Variants in UST observed in about 807,000 individuals in gnomAD.
UST encodes the protein chondroitin sulfate 2-O-sulfotransferase.
In UST, 21 loss-of-function variants were observed where a neutral mutation model predicts 45.6. That is an observed-to-expected ratio of 0.46 (90% confidence interval 0.33 to 0.66). UST has a LOEUF of 0.66. UST is among the 30% of genes least tolerant of loss of function. UST has a pLI of 0.02. For missense variants in UST, 463 were observed against 512.4 expected (o/e 0.90, Z 0.93); for synonymous variants, 215 against 200.6 (o/e 1.07, Z -0.61).
intron 7 of UST, among the ~76,000 whole-genome samples, chr6:149,028,146 G>A (rs1776077917): frequency 6.6e-6 from 1 of 152,074 alleles, no homozygotes; most frequent in South Asian, 2.1e-4. Flanking sequence ...GCCCGGCCTA[G>A]TATGTCATAA....
At chr6:148,930,760 C>T (rs532779867) in intron 2 of UST, among the ~76,000 whole-genome samples, 70 of 152,220 alleles carry the variant, frequency 4.6e-4, no homozygotes, top group Middle Eastern at 3.4e-3. Context: ...TGGTCAGGGG[C>T]CATTATCGTA....
At chr6:149,071,082 A>C (rs560994895) in intron 7 of UST, among the ~76,000 whole-genome samples, 1 of 152,224 alleles carries the variant, frequency 6.6e-6, no homozygotes, top group East Asian at 1.9e-4. Flanking sequence ...GTTATTTTTA[A>C]ATGTACAATT....
At chr6:148,799,472 G>A (rs1176086938) in intron 1 of UST, among the ~76,000 whole-genome samples, 1 of 152,158 alleles carries the variant, frequency 6.6e-6, no homozygotes, top group Non-Finnish European at 1.5e-5. Context: ...TAAGGTGGGC[G>A]AAGTTGGTGG....
chr6:148,830,598 G>A (rs1582838688), intron 1 of UST, among the ~76,000 whole-genome samples: 1 of 152,192 alleles, frequency 6.6e-6, no homozygotes, highest in African/African-American at 2.4e-5. Flanking sequence ...TAGTCCAGTG[G>A]TTTTTTGGAT....
chr6:148,890,403 C>T (rs971432256), intron 2 of UST, among the ~76,000 whole-genome samples: 1 of 152,122 alleles, frequency 6.6e-6, no homozygotes, highest in South Asian at 2.1e-4. Context: ...CTGGAATGAA[C>T]CCTTACCCTG....
chr6:148,847,687 A>T (rs540253172), intron 1 of UST, among the ~76,000 whole-genome samples: 2 of 152,324 alleles, frequency 1.3e-5, no homozygotes, highest in East Asian at 3.9e-4. Context: ...AGTAATACAG[A>T]TACTGTGAGG....
intron 1 of UST, among the ~76,000 whole-genome samples, chr6:148,838,340 C>T (rs758824798): frequency 3.3e-5 from 5 of 152,128 alleles, no homozygotes; most frequent in Admixed American, 6.5e-5. Flanking sequence ...TGCCAGGACA[C>T]GAGGTCAGAG....
At chr6:148,909,962 A>C (rs947746018) in intron 2 of UST, among the ~76,000 whole-genome samples, 6 of 152,110 alleles carry the variant, frequency 3.9e-5, no homozygotes, top group African/African-American at 1.4e-4. Context: ...ACTGGGGAAA[A>C]GCAATAGGAA....
intron 2 of UST, among the ~76,000 whole-genome samples, chr6:148,917,483 G>A (rs79603465): frequency 0.014 from 2,098 of 152,284 alleles, 53 homozygotes; most frequent in African/African-American, 0.048. Context: ...TGGACCATTC[G>A]TCAATGGAAG....
At chr6:148,964,264 C>T (rs1048371044) in intron 4 of UST, 146 bp from the exon 5 acceptor site, 2 of 911,310 alleles carry the variant, frequency 2.2e-6, no homozygotes, top group Non-Finnish European at 3.3e-6. Context: ...CAGGAAACAC[C>T]GTTTGCTTAT....
chr6:148,825,904 T>A (rs1777559602), intron 1 of UST, among the ~76,000 whole-genome samples: 1 of 152,076 alleles, frequency 6.6e-6, no homozygotes, highest in Non-Finnish European at 1.5e-5. Flanking sequence ...CTCATTTGAA[T>A]TATGAGAAGC....
At chr6:149,006,899 C>T (rs1263160331) in intron 5 of UST, among the ~76,000 whole-genome samples, 1 of 152,136 alleles carries the variant, frequency 6.6e-6, no homozygotes, top group African/African-American at 2.4e-5. Flanking sequence ...GAGTCAACAT[C>T]GTCTCTGTCT....
intron 7 of UST, among the ~76,000 whole-genome samples, chr6:149,033,863 G>A (rs184530046): frequency 4.5e-4 from 69 of 152,298 alleles, no homozygotes; most frequent in African/African-American, 1.6e-3. Flanking sequence ...CCTATAAGAT[G>A]TATAATGAAA....
At chr6:148,987,022 A>T (rs1485323296) in intron 5 of UST, among the ~76,000 whole-genome samples, 1 of 152,236 alleles carries the variant, frequency 6.6e-6, no homozygotes, top group East Asian at 1.9e-4. Flanking sequence ...CTTCATACAG[A>T]TGTATCTTTC....
chr6:148,796,794 A>ATT (rs1776957925), intron 1 of UST, among the ~76,000 whole-genome samples: 1 of 121,850 alleles, frequency 8.2e-6, no homozygotes, highest in African/African-American at 3.0e-5. Context: ...TTCTCTGATA[A>ATT]TTCTTTTTTT....
At chr6:148,852,825 A>G (rs1396040128) in intron 1 of UST, among the ~76,000 whole-genome samples, 2 of 152,070 alleles carry the variant, frequency 1.3e-5, no homozygotes, top group East Asian at 3.9e-4. Context: ...CCTATCTCCA[A>G]ACCTCCCCAG....
intron 1 of UST, among the ~76,000 whole-genome samples, chr6:148,858,346 C>T (rs958667577): frequency 6.6e-6 from 1 of 152,054 alleles, no homozygotes; most frequent in East Asian, 1.9e-4. Context: ...GTCTGATGTT[C>T]GAGGGCAGGA....
chr6:148,899,063 C>T (rs1378568567), intron 2 of UST, among the ~76,000 whole-genome samples: 1 of 149,706 alleles, frequency 6.7e-6, no homozygotes, highest in African/African-American at 2.5e-5. Context: ...ATCTTAGCAG[C>T]TCCCAATATA....
At chr6:148,866,363 C>G (rs17079169) in intron 1 of UST, among the ~76,000 whole-genome samples, 1 of 151,444 alleles carries the variant, frequency 6.6e-6, no homozygotes, top group African/African-American at 2.4e-5. Context: ...AAAATAAGGA[C>G]GTCAACTATG....
Sources: allele counts gnomAD v4.1 joint callset (sites outside exome capture counted in the v4.1 genomes callset), GRCh38; gene constraint gnomAD v4.1.1; transcripts MANE v1.5; gene names NCBI Gene and HGNC (gene_info 2026-07-23, HGNC 2026-07-21).